The following CNTN4 variants were observed in gnomAD, a reference collection of about 807,000 sequenced individuals.
CNTN4 encodes the protein contactin-4.
In CNTN4, 77 loss-of-function variants were observed where a neutral mutation model predicts 122.5. That is an observed-to-expected ratio of 0.63 (90% CI 0.52 to 0.76). The LOEUF (loss-of-function observed/expected upper bound fraction) is 0.76. CNTN4 is among the 30% of genes least tolerant of loss of function. The pLI, the probability that CNTN4 is intolerant of heterozygous loss-of-function variation, is 0.00. For synonymous variants in CNTN4, 512 were observed against 447.0 expected, an observed-to-expected ratio of 1.15 and a Z score of -1.83; for missense variants, 1,256 against 1,259.1, an observed-to-expected ratio of 1.00 and a Z score of 0.04.
chr3:2,720,315 A>G (rs1442752378), intron 4 of CNTN4, among the ~76,000 whole-genome samples: 2 of 152,228 alleles, frequency 1.3e-5, no homozygotes, highest in Admixed American at 1.3e-4. Flanking sequence ...TATTAAATGC[A>G]GGTAGACATT....
intron 2 of CNTN4, among the ~76,000 whole-genome samples, chr3:2,212,973 A>G (rs2038685921): frequency 6.6e-6 from 1 of 151,896 alleles, no homozygotes; most frequent in African/African-American, 2.4e-5. Flanking sequence ...CATGATATTA[A>G]TGTGGATTTT....
intron 14 of CNTN4, among the ~76,000 whole-genome samples, chr3:3,004,634 G>T (rs1221630026): frequency 6.6e-6 from 1 of 152,170 alleles, no homozygotes. Flanking sequence ...TTATATAATA[G>T]TACCTATTTC....
intron 4 of CNTN4, among the ~76,000 whole-genome samples, chr3:2,580,603 T>C (rs976278385): frequency 5.9e-5 from 9 of 152,168 alleles, no homozygotes; most frequent in Non-Finnish European, 1.3e-4. Context: ...TTCACCTGAA[T>C]GAAGAAACTT....
intron 2 of CNTN4, among the ~76,000 whole-genome samples, chr3:2,191,857 C>A (rs940424818): frequency 2.0e-5 from 3 of 152,040 alleles, no homozygotes; most frequent in Non-Finnish European, 2.9e-5. Flanking sequence ...TTAGGTATAT[C>A]TCCTAATGCT....
At chr3:2,327,122 C>T (rs2043494360) in intron 2 of CNTN4, among the ~76,000 whole-genome samples, 3 of 140,470 alleles carry the variant, frequency 2.1e-5, no homozygotes, top group Non-Finnish European at 4.6e-5. Flanking sequence ...ATTACAGACT[C>T]CTGGGAATAG....
At chr3:2,228,667 T>C (rs896660793) in intron 2 of CNTN4, among the ~76,000 whole-genome samples, 2 of 152,210 alleles carry the variant, frequency 1.3e-5, no homozygotes, top group African/African-American at 4.8e-5. Context: ...GAGGGTCTAA[T>C]GATTAACTAA....
intron 4 of CNTN4, among the ~76,000 whole-genome samples, chr3:2,734,930 C>G (rs2088970474): frequency 6.6e-6 from 1 of 152,114 alleles, no homozygotes; most frequent in South Asian, 2.1e-4. Context: ...GTGATTCTAT[C>G]TTAAAACTCA....
intron 3 of CNTN4, among the ~76,000 whole-genome samples, chr3:2,563,356 C>G (rs1488716264): frequency 6.6e-6 from 1 of 152,122 alleles, no homozygotes; most frequent in Non-Finnish European, 1.5e-5. Flanking sequence ...TTAATTTCAA[C>G]TTAGTTAACC....
chr3:2,115,839 C>A (rs4295152), intron 2 of CNTN4, among the ~76,000 whole-genome samples: 1 of 152,132 alleles, frequency 6.6e-6, no homozygotes, highest in Non-Finnish European at 1.5e-5. Context: ...CTAAAAAGTC[C>A]TTTCTTGTTC....
intron 13 of CNTN4, among the ~76,000 whole-genome samples, chr3:2,961,014 A>G (rs1205519630): frequency 3.0e-5 from 4 of 132,052 alleles, no homozygotes; most frequent in African/African-American, 1.1e-4. Context: ...GTGGATCACG[A>G]GGTCAGGAGA....
intron 6 of CNTN4, among the ~76,000 whole-genome samples, chr3:2,753,223 C>T (rs2090175789): frequency 6.6e-6 from 1 of 152,136 alleles, no homozygotes; most frequent in African/African-American, 2.4e-5. Context: ...AGTCAGACTC[C>T]TTGGATTCAA....
intron 4 of CNTN4, among the ~76,000 whole-genome samples, chr3:2,639,195 A>T (rs2082794881): frequency 6.6e-6 from 1 of 152,152 alleles, no homozygotes; most frequent in Non-Finnish European, 1.5e-5. Flanking sequence ...TTACTCTGTC[A>T]TGTATAACCT....
At chr3:2,363,183 G>C (rs2045231307) in intron 3 of CNTN4, among the ~76,000 whole-genome samples, 1 of 152,088 alleles carries the variant, frequency 6.6e-6, no homozygotes, top group African/African-American at 2.4e-5. Flanking sequence ...TTAGCACCTT[G>C]TGGTAAAATA....
intron 3 of CNTN4, among the ~76,000 whole-genome samples, chr3:2,507,666 C>T (rs1379141857): frequency 6.8e-6 from 1 of 146,074 alleles, no homozygotes; most frequent in Admixed American, 7.0e-5. Flanking sequence ...ACCCAGGAGG[C>T]GGAGGTTGCA....
intron 7 of CNTN4, among the ~76,000 whole-genome samples, chr3:2,826,283 T>C (rs1470190424): frequency 6.6e-6 from 1 of 152,188 alleles, no homozygotes; most frequent in Non-Finnish European, 1.5e-5. Context: ...CAGGTAATTT[T>C]AATATGCAGC....
At chr3:2,727,063 A>C (rs2088280067) in intron 4 of CNTN4, among the ~76,000 whole-genome samples, 1 of 152,190 alleles carries the variant, frequency 6.6e-6, no homozygotes, top group African/African-American at 2.4e-5. Flanking sequence ...ACATTCCATG[A>C]GGGCAGGACA....
intron 6 of CNTN4, among the ~76,000 whole-genome samples, chr3:2,776,274 C>CTT (rs10575193): frequency 3.0e-5 from 4 of 134,198 alleles, no homozygotes; most frequent in African/African-American, 1.1e-4. Context: ...ATAAGTGTTT[C>CTT]TTTTTTTTTT....
intron 2 of CNTN4, among the ~76,000 whole-genome samples, chr3:2,243,654 A>G (rs1448166168): frequency 6.6e-6 from 1 of 152,144 alleles, no homozygotes; most frequent in Non-Finnish European, 1.5e-5. Context: ...TAAATAAACA[A>G]AATGGAGTGG....
At chr3:2,644,915 A>G (rs950311749) in intron 4 of CNTN4, among the ~76,000 whole-genome samples, 2 of 150,508 alleles carry the variant, frequency 1.3e-5, no homozygotes, top group Non-Finnish European at 2.9e-5. Context: ...CCCAAGACAC[A>G]GGCTTCATGA....
Sources: gnomAD v4.1 joint callset for allele counts (sites outside exome capture counted in the v4.1 genomes callset) on GRCh38, gnomAD v4.1.1 for gene constraint, MANE v1.5 for transcripts, NCBI Gene and HGNC (gene_info 2026-07-23, HGNC 2026-07-21) for gene names.